The following PTPRB variants were observed in gnomAD, a reference collection of about 807,000 sequenced individuals.
PTPRB encodes protein tyrosine phosphatase receptor type B.
Under a neutral mutation model 238.1 loss-of-function variants are expected in PTPRB, and 97 were observed. The observed-to-expected ratio is 0.41, with a 90% confidence interval of 0.35 to 0.48. The LOEUF is 0.48. Ranked by LOEUF, PTPRB falls within the 20% of genes least tolerant of loss-of-function variation. The pLI, the probability that PTPRB is intolerant of heterozygous loss-of-function variation, is 0.30. For synonymous variants in PTPRB, 970 were observed against 995.4 expected (o/e 0.97, Z 0.48); for missense variants, 2,292 against 2,681.9 (o/e 0.85, Z 3.21).
chr12:70,575,077 G>A (rs1351518530), intron 11 of PTPRB, among the ~76,000 whole-genome samples: 1 of 152,114 alleles, frequency 6.6e-6, no homozygotes, highest in Non-Finnish European at 1.5e-5. Context: ...AGTCATTATT[G>A]TGATTGTCAG....
intron 18 of PTPRB, 66 bp downstream of exon 18, chr12:70,559,273 TTGAG>T (rs1878140485): frequency 6.8e-7 from 1 of 1,462,948 alleles, no homozygotes; most frequent in African/African-American, 1.4e-5. Context: ...CAAGCCCTAT[TTGAG>T]TAAGATGTTG....
At chr12:70,545,243 G>T (rs1875789436) in intron 21 of PTPRB, among the ~76,000 whole-genome samples, 1 of 152,158 alleles carries the variant, frequency 6.6e-6, no homozygotes, top group Non-Finnish European at 1.5e-5. Context: ...GTAGACTGGG[G>T]GGTTTGGGAA....
chr12:70,535,982 G>C (rs1302663140), intron 29 of PTPRB, 43 bp downstream of exon 29: 3 of 1,606,664 alleles, frequency 1.9e-6, no homozygotes. Context: ...CTATCCAGGT[G>C]GCAGAAAGCA....
intron 2 of PTPRB, 135 bp from the exon 3 acceptor site, chr12:70,622,781 C>T (rs1885003524): frequency 9.5e-7 from 1 of 1,050,350 alleles, no homozygotes; most frequent in East Asian, 2.6e-5. Context: ...TATGAAAAAG[C>T]AAATATACTT....
intron 7 of PTPRB, 145 bp from the exon 8 acceptor site, chr12:70,590,378 A>C (rs1882361093): frequency 2.6e-6 from 2 of 779,598 alleles, no homozygotes; most frequent in Non-Finnish European, 3.9e-6. Flanking sequence ...TGTGGATTGC[A>C]AATGAGTGTT....
rs183594297 is a variant in PTPRB, at chr12:70,521,353, T to G, written c.*136A>C. 22 of 551,986 alleles carry G rather than the reference T, an allele frequency of 4.0e-5. No individual in the cohort carries two copies. In the Admixed American group the frequency reaches 4.9e-4, roughly 12 times the overall value. The allele number at this position is 551,986 out of a possible 1,614,324, so 34.2% of individuals were successfully genotyped here. A position where few individuals can be genotyped will look rare whatever the true frequency, so the allele number is the denominator to read the frequency against. ...TGTTACCTTTAAATTATATAAAATT[T>G]TAAACATTCTCCAGATTAATAAATT... On this transcript the variant is annotated 3_prime_UTR_variant, in exon 34 of 34. Transcript: ENST00000334414.
At chr12:70,522,863 CTTTT>C (rs35913444) in intron 33 of PTPRB, among the ~76,000 whole-genome samples, 13 of 118,244 alleles carry the variant, frequency 1.1e-4, no homozygotes, top group African/African-American at 4.0e-4. Flanking sequence ...TTTGTTTTTT[CTTTT>C]TTTTTTTTTT....
intron 31 of PTPRB, among the ~76,000 whole-genome samples, chr12:70,533,772 C>T (rs914733498): frequency 6.6e-6 from 1 of 152,140 alleles, no homozygotes; most frequent in African/African-American, 2.4e-5. Context: ...CCCTTCCATC[C>T]CTCCCTCTAT....
intron 4 of PTPRB, among the ~76,000 whole-genome samples, chr12:70,597,725 C>T (rs1308766681): frequency 1.3e-5 from 2 of 151,984 alleles, no homozygotes; most frequent in South Asian, 2.1e-4. Flanking sequence ...GAATTCTAGA[C>T]CTTATTAGAA....
At chr12:70,627,042 TA>T (rs1469753559) in intron 2 of PTPRB, among the ~76,000 whole-genome samples, 1 of 151,738 alleles carries the variant, frequency 6.6e-6, no homozygotes, top group Non-Finnish European at 1.5e-5. Flanking sequence ...TAAATTAGAC[TA>T]AAAAAATAAT....
intron 15 of PTPRB, among the ~76,000 whole-genome samples, chr12:70,563,473 G>A (rs959509667): frequency 1.3e-5 from 2 of 152,104 alleles, no homozygotes; most frequent in African/African-American, 4.8e-5. Flanking sequence ...TCTTTCTCAG[G>A]CTCTCTTTGC....
chr12:70,600,113 G>A (rs1883353785), intron 4 of PTPRB, among the ~76,000 whole-genome samples: 1 of 151,906 alleles, frequency 6.6e-6, no homozygotes, highest in African/African-American at 2.4e-5. Flanking sequence ...GAAATGTCTA[G>A]ACTCTTTAGA....
At chr12:70,623,192 A>C (rs1280584309) in intron 2 of PTPRB, among the ~76,000 whole-genome samples, 1 of 152,160 alleles carries the variant, frequency 6.6e-6, no homozygotes, top group Non-Finnish European at 1.5e-5. Flanking sequence ...CCACAGTGCA[A>C]ACTGTTTCTA....
rs1491467998 is a variant in PTPRB, at chr12:70,532,098, A to AGAGT, written c.6437_6440dup (p.Val2148LeufsTer22). ...CGTGCACTGCTCCATAAATGTCCACAGAGTCTTTGGAGTCTAACTGCTGGA... is the reference window on the plus strand; with the variant it reads ...CGTGCACTGCTCCATAAATGTCCACAGAGTGAGTCTTTGGAGTCTAACTGCTGGA... On this transcript the variant is annotated frameshift_variant, in exon 32 of 34. Transcript: ENST00000334414. LOFTEE classifies it high-confidence loss of function. The AGAGT allele has an allele frequency of 6.2e-7, 1 of 1,613,990 alleles. No homozygotes were observed. Among genetic ancestry groups the AGAGT allele is most frequent in the Admixed American group, 1.7e-5 (1 of 60,022 alleles).
At chr12:70,576,782 AAG>A in intron 10 of PTPRB, 137 bp from the exon 11 acceptor site, 1 of 602,460 alleles carries the variant, frequency 1.7e-6, no homozygotes, top group Non-Finnish European at 2.9e-6. Flanking sequence ...CTGATTATAT[AAG>A]AGGTCAAGGA....
intron 3 of PTPRB, among the ~76,000 whole-genome samples, chr12:70,614,928 C>T (rs1277789772): frequency 2.0e-5 from 3 of 152,234 alleles, no homozygotes; most frequent in Middle Eastern, 6.8e-3. Flanking sequence ...TTTAGAGAGA[C>T]AGTCTGAGAT....
chr12:70,521,382 C>G lies in PTPRB; in HGVS notation c.*107G>C. On this transcript the variant is annotated 3_prime_UTR_variant, in exon 34 of 34. Transcript: ENST00000334414. ...ACATTCTCCAGATTAATAAATTATA[C>G]ATAGTATCAACAGAAATAGCTGGCA... is the stretch of plus-strand genomic sequence containing the variant. 1.5e-6 allele frequency: 1 copy of G among 686,374 alleles called. No individual in the cohort carries two copies. The highest frequency in any genetic ancestry group is 2.3e-6 in the Non-Finnish European group (1 of 440,358). The allele number at this position is 686,374 out of a possible 1,614,324, so 42.5% of individuals were successfully genotyped here.
rs1884774492 is a variant in PTPRB at position 70,618,436 on chromosome 12, TA to T, written c.708+3953del. Among the ~76,000 whole-genome samples the T allele has an allele frequency of 3.3e-5, 5 of 152,324 alleles. No homozygotes were observed. In the South Asian group the frequency reaches 1.0e-3, roughly 32 times the overall value. Reference sequence around the variant, plus strand: ...AGCCAGTATTCGAAAACATTTTACTTAATCAGAATTTAATCCTGTCTTATGA... The same window carrying T: ...AGCCAGTATTCGAAAACATTTTACTTATCAGAATTTAATCCTGTCTTATGA... On this transcript the variant is annotated intron_variant, in intron 3 of 33. Transcript: ENST00000334414.
intron 16 of PTPRB, among the ~76,000 whole-genome samples, chr12:70,561,646 G>A (rs1175753197): frequency 6.6e-6 from 1 of 152,180 alleles, no homozygotes; most frequent in African/African-American, 2.4e-5. Context: ...CCTTTCAAAA[G>A]ACAAACAGAA....
Sources: gnomAD v4.1 joint callset for allele counts (sites outside exome capture counted in the v4.1 genomes callset) on GRCh38, gnomAD v4.1.1 for gene constraint, MANE v1.5 for transcripts, NCBI Gene and HGNC (gene_info 2026-07-23, HGNC 2026-07-21) for gene names.